FAAH2: variants seen among roughly 807,000 people sequenced by gnomAD.
The protein encoded by FAAH2 is fatty-acid amide hydrolase 2.
A neutral mutation model predicts 36.9 loss-of-function variants in FAAH2; 60 were observed. The ratio of observed to expected loss-of-function variants is 1.63; its 90% CI spans 1.32 to 2.02. The LOEUF (loss-of-function observed/expected upper bound fraction) is 2.02, where lower values mean the gene tolerates loss of function less well. Among genes scored for constraint, FAAH2 ranks in the 30% most tolerant of loss-of-function variants. The probability of loss-of-function intolerance (pLI) is 0.00; values close to 1 mark genes in which losing one functional copy is unlikely to be tolerated. For synonymous variants in FAAH2, 214 were observed against 143.8 expected, an observed-to-expected ratio of 1.49 and a Z score of -3.49; for missense variants, 689 against 397.5, an observed-to-expected ratio of 1.73 and a Z score of -6.23.
At chrX:57,159,282 C>T in the FAAH2 span, among the ~76,000 whole-genome samples, 3 of 111,772 alleles carry the variant, frequency 2.7e-5, no homozygotes, top group Middle Eastern at 0.014. Flanking sequence ...ATGATGCCTC[C>T]AGCTTTGTTC....
chrX:57,220,300 C>T, the FAAH2 span, among the ~76,000 whole-genome samples: 1 of 102,429 alleles, frequency 9.8e-6, no homozygotes, highest in Non-Finnish European at 1.9e-5. Flanking sequence ...CCGTCCCCTC[C>T]TCAGAACAAT....
chrX:57,433,464 A>C (rs2056346661), intron 8 of FAAH2, among the ~76,000 whole-genome samples: 2 of 112,029 alleles, frequency 1.8e-5, no homozygotes, highest in Non-Finnish European at 1.9e-5. Flanking sequence ...TTTAATTACA[A>C]ACCTAATTTA....
At chrX:57,481,447 G>A (rs958965570) in intron 10 of FAAH2, among the ~76,000 whole-genome samples, 2 of 111,745 alleles carry the variant, frequency 1.8e-5, no homozygotes, top group Non-Finnish European at 3.8e-5. Context: ...TTATGTTGAT[G>A]TCGATGTTGT....
chrX:57,401,494 G>T (rs1602541409), intron 7 of FAAH2, among the ~76,000 whole-genome samples: 1 of 111,720 alleles, frequency 9.0e-6, no homozygotes, highest in African/African-American at 3.3e-5. Flanking sequence ...GCTGGATATA[G>T]AGGGACAACG....
At chrX:57,278,863 A>T in the FAAH2 span, among the ~76,000 whole-genome samples, 3 of 112,555 alleles carry the variant, frequency 2.7e-5, no homozygotes, top group East Asian at 2.8e-4. Flanking sequence ...AATGCTCATC[A>T]TCACTGGTCA....
the FAAH2 span, among the ~76,000 whole-genome samples, chrX:57,180,301 T>C: frequency 1.8e-5 from 2 of 111,112 alleles, no homozygotes; most frequent in Admixed American, 1.9e-4. Flanking sequence ...TGAAAAACCA[T>C]TCAAAATATG....
chrX:57,394,994 T>C, intron 7 of FAAH2: 2 of 567,296 alleles, frequency 3.5e-6, no homozygotes, highest in East Asian at 3.3e-5. Context: ...AATGAAACAG[T>C]CATTTAGGTC....
the FAAH2 span, among the ~76,000 whole-genome samples, chrX:57,181,891 T>C: frequency 1.8e-5 from 2 of 111,323 alleles, no homozygotes; most frequent in African/African-American, 6.5e-5. Context: ...CATAGACCAA[T>C]GTAACAGAAT....
the FAAH2 span, among the ~76,000 whole-genome samples, chrX:57,205,674 C>A: frequency 4.5e-5 from 5 of 112,007 alleles, no homozygotes; most frequent in African/African-American, 1.6e-4. Context: ...ATTACTAGAC[C>A]CATCTGTAAA....
intron 8 of FAAH2, among the ~76,000 whole-genome samples, chrX:57,438,079 A>T: frequency 9.5e-6 from 1 of 104,837 alleles, no homozygotes; most frequent in East Asian, 3.0e-4. Context: ...ATACATACAT[A>T]CACGTGTATA....
chrX:57,201,055 T>TG, the FAAH2 span, among the ~76,000 whole-genome samples: 3 of 106,838 alleles, frequency 2.8e-5, no homozygotes, highest in African/African-American at 1.0e-4. Context: ...GGGTAAAAGT[T>TG]TTTTTTTTTT....
chrX:57,203,725 G>A, the FAAH2 span, among the ~76,000 whole-genome samples: 1 of 112,100 alleles, frequency 8.9e-6, no homozygotes, highest in Non-Finnish European at 1.9e-5. Context: ...TAATCCATCT[G>A]CAGCTCCTTT....
At chrX:57,443,748 T>C (rs2056613785) in intron 8 of FAAH2, among the ~76,000 whole-genome samples, 1 of 111,986 alleles carries the variant, frequency 8.9e-6, no homozygotes, top group Non-Finnish European at 1.9e-5. Flanking sequence ...TGTGGTTTTA[T>C]CTACCTTTGG....
rs773385610 is a variant in FAAH2, at chrX:57,442,187, C to A, written c.1117-4741C>A. 1.4e-3 allele frequency among the ~76,000 whole-genome samples: 153 copies of A among 110,929 alleles called. 1 individual carries two copies. Among genetic ancestry groups the A allele is most frequent in the Middle Eastern group, 0.014 (3 of 219 alleles). Reference sequence around the variant, plus strand: ...CTTGTTAACTTTCTGTCTCACTGATCTGTCTAATGTTGAGAGTGGGGTGTT... The same window carrying A: ...CTTGTTAACTTTCTGTCTCACTGATATGTCTAATGTTGAGAGTGGGGTGTT... On this transcript the variant is annotated intron_variant, in intron 8 of 10. Coordinates refer to ENST00000374900, the MANE Select transcript of FAAH2 (RefSeq NM_174912.4).
chrX:57,201,055 T>C, the FAAH2 span, among the ~76,000 whole-genome samples: 1 of 106,838 alleles, frequency 9.4e-6, no homozygotes, highest in Non-Finnish European at 1.9e-5. Context: ...GGGTAAAAGT[T>C]TTTTTTTTTT....
the FAAH2 span, among the ~76,000 whole-genome samples, chrX:57,216,691 G>A: frequency 2.5e-5 from 2 of 79,668 alleles, no homozygotes; most frequent in Admixed American, 3.1e-4. Context: ...CATTTGGGTT[G>A]GTTGCACGAT....
intron 5 of FAAH2, among the ~76,000 whole-genome samples, chrX:57,353,607 G>T (rs2054086899): frequency 9.1e-6 from 1 of 110,031 alleles, no homozygotes; most frequent in African/African-American, 3.3e-5. Context: ...ATGGACAAAT[G>T]TGACTTAATT....
the FAAH2 span, among the ~76,000 whole-genome samples, chrX:57,180,951 C>G: frequency 9.0e-6 from 1 of 111,509 alleles, no homozygotes; most frequent in Non-Finnish European, 1.9e-5. Flanking sequence ...ATGATCAAGT[C>G]AGCTTTTTCA....
intron 7 of FAAH2, among the ~76,000 whole-genome samples, chrX:57,397,199 C>T (rs2055327066): frequency 1.8e-5 from 2 of 111,503 alleles, no homozygotes; most frequent in East Asian, 5.7e-4. Context: ...TTAGTTGGGT[C>T]TTGCTTTTTC....
Sources: gnomAD v4.1 joint callset for allele counts (sites outside exome capture counted in the v4.1 genomes callset) on GRCh38, gnomAD v4.1.1 for gene constraint, MANE v1.5 for transcripts, NCBI Gene and HGNC (gene_info 2026-07-23, HGNC 2026-07-21) for gene names.